The following INPP4B variants were observed in gnomAD, a reference collection of about 807,000 sequenced individuals.
The protein encoded by INPP4B is inositol polyphosphate 4-phosphatase type II.
In INPP4B, 55 loss-of-function variants were observed where a neutral mutation model predicts 122.5. That is an observed-to-expected ratio of 0.45 (90% CI 0.36 to 0.56). The LOEUF is 0.56. Ranked by LOEUF, INPP4B falls within the 20% of genes least tolerant of loss-of-function variation. INPP4B has a pLI of 0.00. For synonymous variants in INPP4B, 403 were observed against 388.7 expected (o/e 1.04, Z -0.43); for missense variants, 1,000 against 1,097.7 (o/e 0.91, Z 1.26).
intron 7 of INPP4B, among the ~76,000 whole-genome samples, chr4:142,391,284 A>G (rs1413906525): frequency 6.6e-6 from 1 of 152,170 alleles, no homozygotes; most frequent in African/African-American, 2.4e-5. Context: ...TCGGCTGGGC[A>G]TGGTGGCTCA....
In INPP4B at chr4:142,488,935, G is replaced by C. The variant is rs566502212; in HGVS notation, c.-190-26209C>G. ...ACTCTCCCTTTTCAAGCCTTTTAAC[G>C]TGAAAACTTAGTTAACTAATATGAA... On this transcript the variant is annotated intron_variant, in intron 2 of 25. Transcript: ENST00000262992. 3.3e-5 allele frequency among the ~76,000 whole-genome samples: 5 copies of C among 151,544 alleles called. No individual in the cohort carries two copies. In the East Asian group the frequency reaches 7.8e-4, roughly 24 times the overall value.
chr4:142,679,882 C>T (rs1360155658), intron 2 of INPP4B, among the ~76,000 whole-genome samples: 2 of 151,652 alleles, frequency 1.3e-5, no homozygotes, highest in Non-Finnish European at 1.5e-5. Flanking sequence ...TTCAATAGTA[C>T]TCCCTGTGTC....
intron 1 of INPP4B, among the ~76,000 whole-genome samples, chr4:142,752,859 T>C (rs1026468032): frequency 1.3e-5 from 2 of 152,082 alleles, no homozygotes; most frequent in African/African-American, 4.8e-5. Context: ...TTTTTTCCTA[T>C]GAACAAAGGA....
chr4:142,760,930 G>T (rs1771240446), intron 1 of INPP4B, among the ~76,000 whole-genome samples: 1 of 152,028 alleles, frequency 6.6e-6, no homozygotes, highest in Non-Finnish European at 1.5e-5. Flanking sequence ...TCCCAAAGCT[G>T]GGTTAGGTAT....
intron 14 of INPP4B, chr4:142,202,814 G>C: frequency 1.0e-6 from 1 of 982,046 alleles, no homozygotes; most frequent in Non-Finnish European, 1.2e-6. Context: ...GGCCGTGCTT[G>C]ACAGGTGTGT....
intron 2 of INPP4B, among the ~76,000 whole-genome samples, chr4:142,663,571 G>A (rs935407127): frequency 1.3e-4 from 19 of 151,948 alleles, no homozygotes; most frequent in Non-Finnish European, 2.4e-4. Flanking sequence ...GAATGGACAG[G>A]TTTTCTTCAA....
intron 21 of INPP4B, among the ~76,000 whole-genome samples, chr4:142,113,142 C>T (rs761042043): frequency 1.7e-4 from 26 of 151,982 alleles, no homozygotes; most frequent in African/African-American, 5.3e-4. Context: ...GTTTATGATG[C>T]GCTGATGGAA....
intron 5 of INPP4B, among the ~76,000 whole-genome samples, chr4:142,405,791 C>A (rs1803209025): frequency 6.6e-6 from 1 of 151,960 alleles, no homozygotes; most frequent in Non-Finnish European, 1.5e-5. Context: ...CTAGAACTGG[C>A]CTCCCACAGT....
chr4:142,160,264 C>A, intron 17 of INPP4B, 94 bp downstream of exon 17: 1 of 948,728 alleles, frequency 1.1e-6, no homozygotes, highest in Non-Finnish European at 1.5e-6. Flanking sequence ...ACTTTTTTTC[C>A]ATTTTTTAAA....
chr4:142,347,695 T>C (rs1426368364), intron 7 of INPP4B: 1 of 307,178 alleles, frequency 3.3e-6, no homozygotes, highest in Non-Finnish European at 6.3e-6. Flanking sequence ...TAAACTTTTC[T>C]ATAGACATCT....
chr4:142,364,790 A>T (rs1207989406), intron 7 of INPP4B, among the ~76,000 whole-genome samples: 2 of 151,984 alleles, frequency 1.3e-5, no homozygotes, highest in Admixed American at 6.6e-5. Context: ...CCCTCCAACA[A>T]ACTCATGTGT....
intron 11 of INPP4B, among the ~76,000 whole-genome samples, chr4:142,258,007 A>G (rs964341757): frequency 6.6e-6 from 1 of 152,170 alleles, no homozygotes; most frequent in East Asian, 1.9e-4. Flanking sequence ...AAACAGAGAT[A>G]TAGATCAATG....
At chr4:142,606,366 A>T (rs1438733170) in intron 2 of INPP4B, among the ~76,000 whole-genome samples, 2 of 151,936 alleles carry the variant, frequency 1.3e-5, no homozygotes, top group African/African-American at 2.4e-5. Context: ...ACAATATTAC[A>T]TATATTTCAA....
At chr4:142,487,115 G>A (rs1821297923) in intron 2 of INPP4B, among the ~76,000 whole-genome samples, 1 of 152,098 alleles carries the variant, frequency 6.6e-6, no homozygotes, top group African/African-American at 2.4e-5. Flanking sequence ...AGATCTGATG[G>A]TTTTAAAAAC....
At chr4:142,658,767 G>A (rs1213270628) in intron 2 of INPP4B, among the ~76,000 whole-genome samples, 1 of 152,146 alleles carries the variant, frequency 6.6e-6, no homozygotes, top group East Asian at 1.9e-4. Context: ...TGGGGAAACT[G>A]GTCTCATACC....
Position 142,402,942 on chromosome 4 carries a change from T to C in INPP4B, c.368A>G (p.Asp123Gly). The C allele has an allele frequency of 1.4e-6, 2 of 1,453,892 alleles. No individual in the cohort carries two copies. The highest frequency in any genetic ancestry group is 1.9e-6 in the Non-Finnish European group (2 of 1,033,414). 90.1% of individuals were successfully genotyped at this position (1,453,892 alleles called of 1,614,324 possible). ...GAAAGAAGTACCAGTACTTACGGTG[T>C]CATGAGACTTATCCTTGACATCATA... ...TVYDVKDKSH[D>G]TVRTSVLPEH... The change falls in exon 7 of 26, where the codon GAC (aspartate) becomes GGC (glycine). Residue 123 changes from aspartate to glycine, a missense_variant. By Grantham distance (94) the Asp-to-Gly change is moderately conservative (BLOSUM62 -1). Transcript: ENST00000262992.
intron 17 of INPP4B, among the ~76,000 whole-genome samples, chr4:142,147,126 C>T (rs1811194425): frequency 6.6e-6 from 1 of 152,090 alleles, no homozygotes; most frequent in Non-Finnish European, 1.5e-5. Context: ...TGCATCACAC[C>T]ACAGAACAAC....
At chr4:142,407,946 C>T (rs1361499806) in intron 5 of INPP4B, among the ~76,000 whole-genome samples, 4 of 152,072 alleles carry the variant, frequency 2.6e-5, no homozygotes, top group Non-Finnish European at 5.9e-5. Flanking sequence ...TCAACATTTA[C>T]CAATATCTGG....
intron 2 of INPP4B, among the ~76,000 whole-genome samples, chr4:142,722,723 G>C (rs1764847261): frequency 2.0e-5 from 3 of 152,094 alleles, no homozygotes. Context: ...AGCATACTGT[G>C]CTGATGTTAT....
Sources: allele counts gnomAD v4.1 joint callset (sites outside exome capture counted in the v4.1 genomes callset), GRCh38; gene constraint gnomAD v4.1.1; transcripts MANE v1.5; gene names NCBI Gene and HGNC (gene_info 2026-07-23, HGNC 2026-07-21).